Variants in SDK1 observed in about 807,000 individuals in gnomAD.
SDK1 encodes sidekick cell adhesion molecule 1.
SDK1 carries 157 observed loss-of-function variants against 245.5 expected under a neutral mutation model. That is an observed-to-expected ratio of 0.64 (90% CI 0.56 to 0.73). SDK1 has a LOEUF of 0.73. Ranked by LOEUF, SDK1 falls within the 30% of genes least tolerant of loss-of-function variation. The probability of loss-of-function intolerance (pLI) is 0.00; values close to 1 mark genes in which losing one functional copy is unlikely to be tolerated. For missense variants in SDK1, 3,583 were observed against 3,002.3 expected, an observed-to-expected ratio of 1.19 and a Z score of -4.52; for synonymous variants, 1,647 against 1,278.5, an observed-to-expected ratio of 1.29 and a Z score of -6.15.
intron 5 of SDK1, among the ~76,000 whole-genome samples, chr7:3,933,829 A>G (rs1780063505): frequency 6.6e-6 from 1 of 152,194 alleles, no homozygotes; most frequent in Admixed American, 6.5e-5. Flanking sequence ...GAAAAAATAA[A>G]AAGGGGGGTG....
chr7:4,095,633 C>T (rs1055267984), intron 22 of SDK1, among the ~76,000 whole-genome samples: 4 of 152,046 alleles, frequency 2.6e-5, no homozygotes, highest in Admixed American at 1.3e-4. Context: ...AGTGCAGTGG[C>T]GCGATCTCAG....
chr7:4,129,590 A>C (rs1784652698), intron 26 of SDK1: 1 of 1,025,816 alleles, frequency 9.7e-7, no homozygotes, highest in Non-Finnish European at 1.3e-6. Context: ...TGTGTTCATA[A>C]TCGAGTCTTT....
intron 5 of SDK1, among the ~76,000 whole-genome samples, chr7:3,912,078 C>T (rs1025350785): frequency 2.0e-5 from 3 of 152,164 alleles, no homozygotes; most frequent in African/African-American, 7.2e-5. Context: ...CCAAGGAAGT[C>T]TGGGAAACAA....
At chr7:3,988,098 C>G (rs1784014184) in intron 14 of SDK1, among the ~76,000 whole-genome samples, 1 of 149,184 alleles carries the variant, frequency 6.7e-6, no homozygotes, top group Non-Finnish European at 1.5e-5. Context: ...GCCTCTCCAG[C>G]TTAACTTCTT....
At chr7:3,950,263 C>T (rs1780749725) in intron 5 of SDK1, among the ~76,000 whole-genome samples, 1 of 152,152 alleles carries the variant, frequency 6.6e-6, no homozygotes, top group Non-Finnish European at 1.5e-5. Flanking sequence ...AGTGACCCTG[C>T]CCCAGGGCTT....
At chr7:3,408,984 A>T (rs1272850818) in intron 1 of SDK1, among the ~76,000 whole-genome samples, 3 of 152,224 alleles carry the variant, frequency 2.0e-5, no homozygotes, top group Non-Finnish European at 2.9e-5. Context: ...TGGTTCTCTC[A>T]GCCCTATTGA....
chr7:3,715,462 G>A (rs1166580417), intron 4 of SDK1, among the ~76,000 whole-genome samples: 1 of 152,080 alleles, frequency 6.6e-6, no homozygotes, highest in Non-Finnish European at 1.5e-5. Context: ...TCAGCCTACC[G>A]AACCAGACAC....
At chr7:3,703,940 A>C (rs142291843) in intron 4 of SDK1, among the ~76,000 whole-genome samples, 3 of 152,082 alleles carry the variant, frequency 2.0e-5, no homozygotes, top group African/African-American at 7.2e-5. Context: ...TTGGAGTACA[A>C]ATGGCTTTTG....
intron 1 of SDK1, among the ~76,000 whole-genome samples, chr7:3,575,843 A>G (rs1176559787): frequency 6.6e-6 from 1 of 152,004 alleles, no homozygotes; most frequent in African/African-American, 2.4e-5. Flanking sequence ...GAGGCTGTAA[A>G]TCTATTATTT....
intron 20 of SDK1, among the ~76,000 whole-genome samples, chr7:4,071,442 A>G (rs1334123133): frequency 1.3e-5 from 2 of 152,224 alleles, no homozygotes; most frequent in African/African-American, 2.4e-5. Context: ...GGAAGTCACT[A>G]CTAGAATTGG....
intron 44 of SDK1, among the ~76,000 whole-genome samples, chr7:4,261,718 C>G (rs774580012): frequency 7.2e-5 from 11 of 152,190 alleles, no homozygotes; most frequent in Non-Finnish European, 1.5e-4. Flanking sequence ...CAAGGCCGCT[C>G]ACTCTTTTAC....
intron 14 of SDK1, among the ~76,000 whole-genome samples, chr7:4,009,122 C>A (rs1440227938): frequency 1.3e-5 from 2 of 152,192 alleles, no homozygotes; most frequent in Non-Finnish European, 2.9e-5. Context: ...GTATTAGATG[C>A]AATATCATTG....
chr7:3,916,092 A>G (rs955702515), intron 5 of SDK1, among the ~76,000 whole-genome samples: 1 of 152,210 alleles, frequency 6.6e-6, no homozygotes, highest in Non-Finnish European at 1.5e-5. Context: ...GCTTTTTCCA[A>G]AGAGGGTTTT....
intron 1 of SDK1, among the ~76,000 whole-genome samples, chr7:3,400,651 G>T (rs1447395516): frequency 2.0e-5 from 3 of 152,172 alleles, no homozygotes; most frequent in Non-Finnish European, 4.4e-5. Context: ...GCAGACCAAA[G>T]GATGGGAGTG....
intron 1 of SDK1, among the ~76,000 whole-genome samples, chr7:3,587,157 C>A (rs1355631603): frequency 6.6e-6 from 1 of 152,020 alleles, no homozygotes; most frequent in African/African-American, 2.4e-5. Context: ...TGCTGTGGAC[C>A]TAGGGAAAAG....
At position 3,721,482 on chromosome 7, in the gene SDK1, C is replaced by A. The variant is rs376039836; in HGVS notation, c.713+79377C>A. 1.4e-3 allele frequency among the ~76,000 whole-genome samples: 212 copies of A among 152,282 alleles called. 2 individuals are homozygous for A. Among genetic ancestry groups the A allele is most frequent in the Non-Finnish European group, 4.4e-4 (30 of 68,034 alleles). On this transcript the variant is annotated intron_variant, in intron 4 of 44. Transcript: ENST00000404826. ...AAAGACAATATGAATGAGAGAACAT[C>A]AAATAATAAGGCTTTCACAGTACAG...
intron 4 of SDK1, among the ~76,000 whole-genome samples, chr7:3,671,514 C>T (rs963603384): frequency 5.9e-5 from 9 of 152,166 alleles, no homozygotes; most frequent in Non-Finnish European, 1.2e-4. Flanking sequence ...TGATGTTATC[C>T]CTTCTTTCTC....
chr7:4,113,234 CT>C, intron 23 of SDK1, 54 bp from the exon 24 acceptor site: 1 of 1,578,680 alleles, frequency 6.3e-7, no homozygotes, highest in Non-Finnish European at 8.6e-7. Flanking sequence ...TGGTTTCGTT[CT>C]TTTCCTTCTT....
chr7:3,568,453 G>A (rs759132771), intron 1 of SDK1, among the ~76,000 whole-genome samples: 1 of 151,940 alleles, frequency 6.6e-6, no homozygotes, highest in African/African-American at 2.4e-5. Context: ...GTTTCTTCTG[G>A]CCGGAGACCA....
Sources: gnomAD v4.1 joint callset for allele counts (sites outside exome capture counted in the v4.1 genomes callset) on GRCh38, gnomAD v4.1.1 for gene constraint, MANE v1.5 for transcripts, NCBI Gene and HGNC (gene_info 2026-07-23, HGNC 2026-07-21) for gene names.